Variants in PARP8 observed in about 807,000 individuals in gnomAD.
PARP8 encodes the protein poly(ADP-ribose) polymerase family member 8.
In PARP8, 51 loss-of-function variants were observed where a neutral mutation model predicts 124.1. The ratio of observed to expected loss-of-function variants is 0.41; its 90% CI spans 0.33 to 0.52. The LOEUF is 0.52. Among genes scored for constraint, PARP8 ranks in the 20% least tolerant of loss-of-function variants. PARP8 has a pLI of 0.21. For synonymous variants in PARP8, 391 were observed against 361.5 expected, an observed-to-expected ratio of 1.08 and a Z score of -0.93; for missense variants, 860 against 1,018.9, an observed-to-expected ratio of 0.84 and a Z score of 2.12.
intron 24 of PARP8, 58 bp downstream of exon 24, chr5:50,834,106 A>T (rs1747297230): frequency 1.5e-6 from 2 of 1,334,860 alleles, no homozygotes; most frequent in South Asian, 2.4e-5. Context: ...CTATAATTAA[A>T]AATATAAGTA....
chr5:50,834,565 T>G (rs1020362948), intron 24 of PARP8, among the ~76,000 whole-genome samples: 1 of 152,180 alleles, frequency 6.6e-6, no homozygotes, highest in African/African-American at 2.4e-5. Context: ...TTTTTTCTTC[T>G]TGTGTTAGGA....
intron 2 of PARP8, among the ~76,000 whole-genome samples, chr5:50,700,786 T>C (rs1261220097): frequency 1.3e-5 from 2 of 152,188 alleles, no homozygotes; most frequent in Non-Finnish European, 2.9e-5. Context: ...GTTAATGTAG[T>C]AATGCTAACT....
At chr5:50,785,304 T>A (rs1187401898) in intron 9 of PARP8, among the ~76,000 whole-genome samples, 1 of 152,194 alleles carries the variant, frequency 6.6e-6, no homozygotes, top group African/African-American at 2.4e-5. Flanking sequence ...TTTATAGGAA[T>A]AATTTCTATG....
At chr5:50,747,539 A>G (rs1209400433) in intron 2 of PARP8, among the ~76,000 whole-genome samples, 1 of 151,406 alleles carries the variant, frequency 6.6e-6, no homozygotes, top group Non-Finnish European at 1.5e-5. Flanking sequence ...GTTTTGCTTC[A>G]TATATTATGA....
At chr5:50,773,053 T>G (rs907165192) in intron 7 of PARP8, among the ~76,000 whole-genome samples, 5 of 152,220 alleles carry the variant, frequency 3.3e-5, no homozygotes, top group Admixed American at 3.3e-4. Context: ...TCTTTGTTCT[T>G]GAACTGTTTG....
chr5:50,780,557 G>A lies in PARP8; in HGVS notation c.670+1907G>A, dbSNP rs147314511. 2.3e-3 allele frequency among the ~76,000 whole-genome samples: 352 copies of A among 152,126 alleles called. 3 individuals carry two copies. The highest frequency in any genetic ancestry group is 7.7e-3 in the East Asian group (40 of 5,172). ...CTCTTTAAAGATTTTTTACATTTGCGTGGTTTTATAAATATTTTAACACTC... is the reference window on the plus strand; with the variant it reads ...CTCTTTAAAGATTTTTTACATTTGCATGGTTTTATAAATATTTTAACACTC... On this transcript the variant is annotated intron_variant, in intron 9 of 25. Transcript: ENST00000281631.
intron 23 of PARP8, 113 bp downstream of exon 23, chr5:50,832,967 T>G: frequency 2.3e-6 from 2 of 885,326 alleles, no homozygotes; most frequent in Non-Finnish European, 3.5e-6. Context: ...ATGTGGTCAT[T>G]ACTTATAAAG....
intron 17 of PARP8, 27 bp from the exon 18 acceptor site, chr5:50,824,881 T>C (rs770193296): frequency 1.3e-6 from 2 of 1,583,676 alleles, no homozygotes; most frequent in Non-Finnish European, 1.7e-6. Flanking sequence ...TTATGAAAAA[T>C]CAAGAAGTAT....
intron 2 of PARP8, among the ~76,000 whole-genome samples, chr5:50,717,448 G>A (rs1289402120): frequency 6.6e-6 from 1 of 152,002 alleles, no homozygotes; most frequent in Admixed American, 6.6e-5. Flanking sequence ...TCAGGAGTGG[G>A]GAATCAGCAG....
intron 2 of PARP8, among the ~76,000 whole-genome samples, chr5:50,680,957 T>A (rs1273337317): frequency 6.6e-6 from 1 of 152,138 alleles, no homozygotes; most frequent in East Asian, 1.9e-4. Context: ...TCTGACTACC[T>A]TAAGTGTGTT....
intron 2 of PARP8, chr5:50,738,922 A>G: frequency 2.9e-6 from 2 of 699,634 alleles, no homozygotes; most frequent in Admixed American, 4.0e-5. Flanking sequence ...CTTAGTTTAC[A>G]TCAGGGCTCT....
intron 14 of PARP8, among the ~76,000 whole-genome samples, chr5:50,798,431 T>G (rs896721564): frequency 2.0e-5 from 3 of 150,932 alleles, no homozygotes; most frequent in African/African-American, 4.9e-5. Flanking sequence ...TTTGTTTTTT[T>G]TTTTTTTGAG....
In PARP8 at chr5:50,826,789, C is replaced by T. The variant is rs1746398834; in HGVS notation, c.1963C>T (p.Leu655=). ...ISSNRSHIVK[L]PVNRQLKFMH... ...AAGTAATAGATCACATATTGTGAAA[C>T]TGCCAGTTAACAGGGTAAGTTGTTT... Residue 655 remains leucine, a synonymous_variant, in exon 19 of 26, where the codon CTG becomes TTG. Transcript: ENST00000281631. 1.9e-6 allele frequency: 3 copies of T among 1,586,396 alleles called. No individual in the cohort carries two copies. Among genetic ancestry groups the T allele is most frequent in the Admixed American group, 1.8e-5 (1 of 54,208 alleles).
In PARP8 at chr5:50,819,737, G is replaced by T. The variant is rs147526028; in HGVS notation, c.1669-1476G>T. On this transcript the variant is annotated intron_variant, in intron 15 of 25. Transcript: ENST00000281631. ...TAGGATTACAGGCGTGAGCCACTGC[G>T]CCCAACAAGGCTATTTTATCTTACT... Among the ~76,000 whole-genome samples the T allele has an allele frequency of 6.6e-4, 100 of 152,086 alleles. 1 individual carries two copies. In the East Asian group the frequency reaches 0.016, roughly 25 times the overall value.
intron 25 of PARP8, among the ~76,000 whole-genome samples, chr5:50,841,354 A>G (rs1240725564): frequency 6.6e-6 from 1 of 151,894 alleles, no homozygotes; most frequent in Non-Finnish European, 1.5e-5. Flanking sequence ...GCTGTTCTTT[A>G]GTATTATATT....
intron 7 of PARP8, among the ~76,000 whole-genome samples, chr5:50,765,150 A>G (rs1042817092): frequency 1.3e-5 from 2 of 151,558 alleles, no homozygotes; most frequent in African/African-American, 4.9e-5. Flanking sequence ...AAACCCAGCT[A>G]CTCGAGAAGG....
chr5:50,728,861 A>G (rs1294838803), intron 2 of PARP8, among the ~76,000 whole-genome samples: 1 of 152,104 alleles, frequency 6.6e-6, no homozygotes, highest in Non-Finnish European at 1.5e-5. Flanking sequence ...AAGTTTTTCC[A>G]TATTTTATAT....
At chr5:50,708,240 C>T (rs1255105764) in intron 2 of PARP8, among the ~76,000 whole-genome samples, 5 of 152,040 alleles carry the variant, frequency 3.3e-5, no homozygotes, top group African/African-American at 1.2e-4. Context: ...TAGAGACCTT[C>T]CCAGAGCTCT....
chr5:50,706,802 A>G (rs1176716032), intron 2 of PARP8, among the ~76,000 whole-genome samples: 1 of 152,054 alleles, frequency 6.6e-6, no homozygotes, highest in Non-Finnish European at 1.5e-5. Context: ...AGCACCAAGT[A>G]TGTTCATTTT....
Sources: gnomAD v4.1 joint callset for allele counts (sites outside exome capture counted in the v4.1 genomes callset) on GRCh38, gnomAD v4.1.1 for gene constraint, MANE v1.5 for transcripts, NCBI Gene and HGNC (gene_info 2026-07-23, HGNC 2026-07-21) for gene names.